Variants in RNF17 observed in about 807,000 individuals in gnomAD.
RNF17 encodes ring finger protein 17.
A neutral mutation model predicts 200.5 loss-of-function variants in RNF17; 31 were observed. The observed-to-expected ratio is 0.15, with a 90% confidence interval of 0.12 to 0.21. The LOEUF (loss-of-function observed/expected upper bound fraction) is 0.21. Among genes scored for constraint, RNF17 ranks in the 10% least tolerant of loss-of-function variants. The probability of loss-of-function intolerance (pLI) is 1.00; values close to 1 mark genes in which losing one functional copy is unlikely to be tolerated. For synonymous variants in RNF17, 606 were observed against 637.8 expected (o/e 0.95, Z 0.75); for missense variants, 1,628 against 1,905.1 (o/e 0.85, Z 2.71).
At chr13:24,837,987 G>A (rs1372988161) in intron 18 of RNF17, among the ~76,000 whole-genome samples, 7 of 152,006 alleles carry the variant, frequency 4.6e-5, no homozygotes, top group African/African-American at 4.8e-5. Context: ...AAATAACCTC[G>A]CTAAGAAATG....
intron 15 of RNF17, among the ~76,000 whole-genome samples, chr13:24,811,048 G>A (rs542998188): frequency 6.6e-6 from 1 of 151,816 alleles, no homozygotes; most frequent in African/African-American, 2.4e-5. Context: ...AGGGTAACCC[G>A]ACCTTTCTCT....
At chr13:24,777,233 C>G (rs1881695701) in intron 3 of RNF17, among the ~76,000 whole-genome samples, 1 of 152,170 alleles carries the variant, frequency 6.6e-6, no homozygotes, top group South Asian at 2.1e-4. Flanking sequence ...ATTCACTTTT[C>G]AAAGAATAGA....
At chr13:24,782,531 G>A (rs1882531135) in intron 6 of RNF17, among the ~76,000 whole-genome samples, 1 of 152,022 alleles carries the variant, frequency 6.6e-6, no homozygotes. Flanking sequence ...ACAAGCTTGA[G>A]CCAGGTGTGG....
At chr13:24,809,713 G>C (rs1015099651) in intron 15 of RNF17, among the ~76,000 whole-genome samples, 6 of 152,132 alleles carry the variant, frequency 3.9e-5, no homozygotes, top group African/African-American at 1.4e-4. Flanking sequence ...TGCTTTTCTA[G>C]TTGTTTAAAT....
Position 24,830,485 on chromosome 13 carries a change from A to G in RNF17, c.2247A>G (p.Gly749=). The change falls in exon 17 of 36, where the codon GGA becomes GGG. Residue 749 remains glycine (G), a splice_region_variant and synonymous_variant. Coordinates refer to ENST00000255324, the MANE Select transcript of RNF17 (RefSeq NM_031277.3). ...DGIWYRAKVI[G]LPGHQEVEVK... ...TTTCTAATTTCATAATTTTTCAAGGATTGCCTGGACATCAGGAAGTTGAAG... is the reference window on the plus strand; with the variant it reads ...TTTCTAATTTCATAATTTTTCAAGGGTTGCCTGGACATCAGGAAGTTGAAG... 6.4e-7 allele frequency: 1 copy of G among 1,568,190 alleles called. No homozygotes were observed. Among genetic ancestry groups the G allele is most frequent in the African/African-American group, 1.4e-5 (1 of 73,014 alleles).
At chr13:24,835,796 C>T (rs974137254) in intron 18 of RNF17, among the ~76,000 whole-genome samples, 9 of 152,172 alleles carry the variant, frequency 5.9e-5, no homozygotes, top group Admixed American at 5.9e-4. Flanking sequence ...CACTAGTTCA[C>T]CAGCAGTGGA....
At chr13:24,785,815 C>CT (rs764030969) in intron 6 of RNF17, among the ~76,000 whole-genome samples, 3 of 152,142 alleles carry the variant, frequency 2.0e-5, no homozygotes, top group Non-Finnish European at 4.4e-5. Flanking sequence ...ACATTAAAGT[C>CT]TATTTTGCCT....
intron 33 of RNF17, among the ~76,000 whole-genome samples, chr13:24,875,869 G>A (rs1304601784): frequency 1.4e-4 from 22 of 152,216 alleles, no homozygotes; most frequent in Admixed American, 1.4e-3. Flanking sequence ...TTGAGTGTTT[G>A]AGAAAGTTAG....
chr13:24,766,096 G>C (rs1188189948), intron 1 of RNF17, among the ~76,000 whole-genome samples: 1 of 152,222 alleles, frequency 6.6e-6, no homozygotes. Flanking sequence ...TAGGCGTGCT[G>C]ACGCACACCT....
chr13:24,847,799 A>G (rs918789041), intron 22 of RNF17, among the ~76,000 whole-genome samples: 7 of 152,312 alleles, frequency 4.6e-5, no homozygotes, highest in African/African-American at 9.6e-5. Flanking sequence ...GATGGTGACA[A>G]TGGGACACTA....
At chr13:24,770,575 T>G (rs1029047784) in intron 2 of RNF17, among the ~76,000 whole-genome samples, 1 of 152,114 alleles carries the variant, frequency 6.6e-6, no homozygotes, top group Non-Finnish European at 1.5e-5. Flanking sequence ...AAAAGGGACT[T>G]AAAATACCAT....
chr13:24,860,803 A>C (rs1893013299), intron 26 of RNF17, among the ~76,000 whole-genome samples: 2 of 152,046 alleles, frequency 1.3e-5, no homozygotes, highest in South Asian at 4.1e-4. Flanking sequence ...TTGATACACT[A>C]TTGGATGAGG....
At chr13:24,847,762 C>A (rs1166765491) in intron 22 of RNF17, among the ~76,000 whole-genome samples, 1 of 152,168 alleles carries the variant, frequency 6.6e-6, no homozygotes, top group Non-Finnish European at 1.5e-5. Context: ...ATCTTACAGG[C>A]ACCTCTTCCT....
intron 24 of RNF17, among the ~76,000 whole-genome samples, chr13:24,852,533 T>C (rs1174327734): frequency 6.6e-6 from 1 of 152,132 alleles, no homozygotes; most frequent in Non-Finnish European, 1.5e-5. Context: ...CAGATCTCCG[T>C]AGATGTGTTT....
At position 24,849,512 on chromosome 13, in the gene RNF17, A is replaced by G. The variant is rs187390674; in HGVS notation, c.3102-829A>G. The stretch of plus-strand genomic sequence containing the variant: ...GTGTATTTTATGTGTGGCCCAAAAT[A>G]ATTCTTCCAGTGTGGCCCAGGGAAG... On this transcript the variant is annotated intron_variant, in intron 22 of 35. Transcript: ENST00000255324. Among the ~76,000 whole-genome samples the G allele has an allele frequency of 1.5e-3, 236 of 152,306 alleles. 1 individual carries two copies. The highest frequency in any genetic ancestry group is 5.4e-3 in the African/African-American group (223 of 41,556).
At chr13:24,811,794 T>A (rs1367156658) in intron 15 of RNF17, among the ~76,000 whole-genome samples, 3 of 152,114 alleles carry the variant, frequency 2.0e-5, no homozygotes, top group Non-Finnish European at 2.9e-5. Context: ...TGGTCTTTGA[T>A]GATGGTGATG....
At chr13:24,771,190 C>A (rs1390934759) in intron 2 of RNF17, among the ~76,000 whole-genome samples, 1 of 151,992 alleles carries the variant, frequency 6.6e-6, no homozygotes, top group African/African-American at 2.4e-5. Context: ...TTGCTCTGTT[C>A]CCCCAGACTG....
At chr13:24,774,433 C>T (rs151325430) in intron 2 of RNF17, among the ~76,000 whole-genome samples, 80 of 152,354 alleles carry the variant, frequency 5.3e-4, no homozygotes, top group African/African-American at 1.8e-3. Context: ...TGGTGTTGAA[C>T]TCCTGACCTC....
intron 33 of RNF17, among the ~76,000 whole-genome samples, chr13:24,874,773 A>C: frequency 6.6e-6 from 1 of 152,158 alleles, no homozygotes; most frequent in South Asian, 2.1e-4. Flanking sequence ...AAGGTTATAC[A>C]ACTATCACCA....
Sources: gnomAD v4.1 joint callset for allele counts (sites outside exome capture counted in the v4.1 genomes callset) on GRCh38, gnomAD v4.1.1 for gene constraint, MANE v1.5 for transcripts, NCBI Gene and HGNC (gene_info 2026-07-23, HGNC 2026-07-21) for gene names.